The following TK2 variants were observed in gnomAD, a reference collection of about 807,000 sequenced individuals.
TK2 encodes the protein thymidine kinase 2.
TK2 carries 35 observed loss-of-function variants against 41.9 expected under a neutral mutation model. The observed-to-expected ratio is 0.84, with a 90% CI of 0.64 to 1.11. TK2 has a LOEUF of 1.11. Ranked by LOEUF, TK2 falls within the 50% of genes least tolerant of loss-of-function variation. The pLI is 0.00. For synonymous variants in TK2, 128 were observed against 129.1 expected, an observed-to-expected ratio of 0.99 and a Z score of 0.06; for missense variants, 320 against 351.1, an observed-to-expected ratio of 0.91 and a Z score of 0.71.
At chr16:66,518,423 G>A (rs370941251) in intron 6 of TK2, among the ~76,000 whole-genome samples, 6 of 152,200 alleles carry the variant, frequency 3.9e-5, no homozygotes, top group East Asian at 3.9e-4. Flanking sequence ...CTAGCTACTC[G>A]GGAAACTGAG....
At chr16:66,528,346 C>T (rs1039062955) in intron 6 of TK2, among the ~76,000 whole-genome samples, 2 of 152,176 alleles carry the variant, frequency 1.3e-5, no homozygotes, top group Non-Finnish European at 2.9e-5. Context: ...CACCAGAAGC[C>T]CCTAACTAGG....
At position 66,517,069 on chromosome 16, in the gene TK2, G is replaced by A. The variant is rs1275318881; in HGVS notation, c.618+67C>T. ...TGATCTCATGGGGGTGGGGCCGGGA[G>A]AGGAAGCCGGGTTGGACAGAGGTGG... On this transcript the variant is annotated intron_variant, in intron 8 of 9. Coordinates refer to ENST00000544898, the MANE Select transcript of TK2 (RefSeq NM_004614.5). The surrounding 1 kb of genome is among the most constrained non-coding windows in gnomAD (Gnocchi z 4.3). 1.1e-5 allele frequency: 16 copies of A among 1,399,298 alleles called. No homozygotes were observed. The highest frequency in any genetic ancestry group is 1.5e-5 in the Non-Finnish European group (15 of 984,374). 86.7% of individuals were successfully genotyped at this position (1,399,298 alleles called of 1,614,324 possible). A position where few individuals can be genotyped will look rare whatever the true frequency, so the allele number is the denominator to read the frequency against.
chr16:66,537,410 G>A (rs1965319461), intron 3 of TK2, among the ~76,000 whole-genome samples: 1 of 152,232 alleles, frequency 6.6e-6, no homozygotes, highest in African/African-American at 2.4e-5. Flanking sequence ...GAAGCCAGGA[G>A]GGACACTGGA....
chr16:66,537,642 T>C (rs1202776332), intron 3 of TK2, among the ~76,000 whole-genome samples: 1 of 152,224 alleles, frequency 6.6e-6, no homozygotes, highest in Non-Finnish European at 1.5e-5. Context: ...CTGCTGGGCA[T>C]TTCTAGAGCC....
At chr16:66,528,947 GA>G in intron 6 of TK2, 46 bp downstream of exon 6, 1 of 1,571,064 alleles carries the variant, frequency 6.4e-7, no homozygotes, top group Non-Finnish European at 8.8e-7. Flanking sequence ...ATTTCATTTT[GA>G]AAAATTAGTG....
chr16:66,517,740 G>C lies in TK2; in HGVS notation c.538+49C>G. 1.9e-6 allele frequency: 3 copies of C among 1,584,078 alleles called. No homozygotes were observed. The highest frequency in any genetic ancestry group is 1.7e-6 in the Non-Finnish European group (2 of 1,152,704). On this transcript the variant is annotated intron_variant, in intron 7 of 9. Transcript: ENST00000544898. This position sits in a 1 kb window ranked among gnomAD's most constrained non-coding sequence, Gnocchi z 4.3. ...GGGGCCCAGCCAAGCACATCCTCAA[G>C]GGACCCAGGAGAGAGACAAGAGAGG...
chr16:66,548,395 C>A (rs1466320283), intron 2 of TK2, among the ~76,000 whole-genome samples: 1 of 152,104 alleles, frequency 6.6e-6, no homozygotes, highest in African/African-American at 2.4e-5. Context: ...GGTTTGTGAC[C>A]AAAATATCAC....
intron 5 of TK2, 78 bp from the exon 6 acceptor site, chr16:66,529,145 TC>T: frequency 7.4e-7 from 1 of 1,349,358 alleles, no homozygotes. Flanking sequence ...TGTCTGTTAC[TC>T]CCCCTGCCTG....
At chr16:66,515,026 TGCGGAAGGCG>T (rs916153679) in intron 8 of TK2, among the ~76,000 whole-genome samples, 1 of 152,122 alleles carries the variant, frequency 6.6e-6, no homozygotes, top group African/African-American at 2.4e-5. Flanking sequence ...ACACAAACAC[TGCGGAAGGCG>T]GCAGGGCCCT....
chr16:66,533,593 G>C (rs185000905), intron 4 of TK2, among the ~76,000 whole-genome samples: 2 of 152,134 alleles, frequency 1.3e-5, no homozygotes, highest in South Asian at 4.2e-4. Flanking sequence ...TTTTAAAGAA[G>C]TTAAGCTCTT....
At chr16:66,515,346 CAACAACTCGT>C (rs1964580648) in intron 8 of TK2, among the ~76,000 whole-genome samples, 1 of 152,186 alleles carries the variant, frequency 6.6e-6, no homozygotes, top group East Asian at 1.9e-4. Flanking sequence ...TCTACCCCCT[CAACAACTCGT>C]AACCTATAGA....
chr16:66,527,287 C>T (rs567268500), intron 6 of TK2, among the ~76,000 whole-genome samples: 15 of 152,348 alleles, frequency 9.8e-5, no homozygotes, highest in African/African-American at 3.1e-4. Flanking sequence ...CACAGCATTG[C>T]TCTGATGCTC....
intron 9 of TK2, among the ~76,000 whole-genome samples, chr16:66,512,878 C>T (rs569226083): frequency 2.0e-5 from 3 of 152,204 alleles, no homozygotes; most frequent in African/African-American, 7.2e-5. Context: ...TGAGCCCAAA[C>T]AGATATTCCT....
intron 6 of TK2, among the ~76,000 whole-genome samples, chr16:66,526,399 TCC>T (rs1964931279): frequency 6.6e-6 from 1 of 152,126 alleles, no homozygotes; most frequent in South Asian, 2.1e-4. Context: ...CCACACTCTA[TCC>T]TCTCCCCTTA....
Position 66,515,501 on chromosome 16 carries a change from G to C in TK2, c.618+1635C>G, listed in dbSNP as rs550033625. On this transcript the variant is annotated intron_variant, in intron 8 of 9. Transcript: ENST00000544898. ...AGATACTCGTGCTCTCCCAGGCACAGAGTGGGATGGCTCCTCACACAGATT... is the reference window on the plus strand; with the variant it reads ...AGATACTCGTGCTCTCCCAGGCACACAGTGGGATGGCTCCTCACACAGATT... 9.8e-4 allele frequency among the ~76,000 whole-genome samples: 150 copies of C among 152,390 alleles called. 1 individual carries two copies. The highest frequency in any genetic ancestry group is 3.4e-3 in the Middle Eastern group (1 of 294).
At chr16:66,515,937 C>T (rs1964599259) in intron 8 of TK2, among the ~76,000 whole-genome samples, 1 of 152,170 alleles carries the variant, frequency 6.6e-6, no homozygotes, top group Admixed American at 6.5e-5. Flanking sequence ...AGCTCAGAGC[C>T]CCTGACACCC....
chr16:66,547,834 C>T, intron 2 of TK2: 3 of 1,191,740 alleles, frequency 2.5e-6, no homozygotes, highest in Non-Finnish European at 3.2e-6. Context: ...TGAATGCAGG[C>T]TCCATACCAC....
rs546400459 is a variant in TK2 at position 66,547,357 on chromosome 16, C to A, written c.156+1621G>T. The stretch of plus-strand genomic sequence containing the variant: ...CCCACATCGCTCCCTGAGAGGCAAC[C>A]CGGATCGTGCTGGGTGGGGGTGAGG... On this transcript the variant is annotated intron_variant, in intron 2 of 9. Coordinates refer to ENST00000544898, the MANE Select transcript of TK2 (RefSeq NM_004614.5). Among the ~76,000 whole-genome samples, 3 of 152,288 alleles carry A rather than the reference C, an allele frequency of 2.0e-5. No individual in the cohort carries two copies. The East Asian group carries it at 5.8e-4, about 29-fold the overall frequency.
chr16:66,525,344 T>C (rs1411495045), intron 6 of TK2, among the ~76,000 whole-genome samples: 1 of 152,254 alleles, frequency 6.6e-6, no homozygotes, highest in Non-Finnish European at 1.5e-5. Flanking sequence ...TCCTCAATGA[T>C]AAGTTATGTA....
Sources: gnomAD v4.1 joint callset for allele counts (sites outside exome capture counted in the v4.1 genomes callset) on GRCh38, gnomAD v4.1.1 for gene constraint, Gnocchi (gnomAD v3.1) non-coding constraint, MANE v1.5 for transcripts, NCBI Gene and HGNC (gene_info 2026-07-23, HGNC 2026-07-21) for gene names.